NFKB1: variants seen among roughly 807,000 people sequenced by gnomAD.
NFKB1 encodes the protein nuclear factor kappa B subunit 1, also known as nuclear factor NF-kappa-B p105 subunit.
A neutral mutation model predicts 105.1 loss-of-function variants in NFKB1; 9 were observed. The ratio of observed to expected loss-of-function variants is 0.09; its 90% CI spans 0.05 to 0.15. The LOEUF is 0.15. Ranked by LOEUF, NFKB1 falls within the 10% of genes least tolerant of loss-of-function variation. The pLI, the probability that NFKB1 is intolerant of heterozygous loss-of-function variation, is 1.00. For synonymous variants in NFKB1, 440 were observed against 442.2 expected, an observed-to-expected ratio of 1.00 and a Z score of 0.06; for missense variants, 830 against 1,203.7, an observed-to-expected ratio of 0.69 and a Z score of 4.59.
At chr4:102,584,627 C>CAA (rs10711129) in intron 10 of NFKB1, 55 bp from the exon 11 acceptor site, 202 of 1,326,378 alleles carry the variant, frequency 1.5e-4, no homozygotes, top group South Asian at 3.1e-4. Flanking sequence ...AGCATTACTG[C>CAA]AAAAAAAAAA....
intron 5 of NFKB1, among the ~76,000 whole-genome samples, chr4:102,566,400 AGG>A (rs1723872273): frequency 6.6e-6 from 1 of 152,202 alleles, no homozygotes. Flanking sequence ...GAAGTCAGAG[AGG>A]GCTACTGAAG....
At chr4:102,509,348 CT>C (rs1560627731) in intron 1 of NFKB1, among the ~76,000 whole-genome samples, 2 of 152,108 alleles carry the variant, frequency 1.3e-5, no homozygotes, top group African/African-American at 4.8e-5. Context: ...AGTTACAATT[CT>C]TTTTTTGTGA....
intron 1 of NFKB1, among the ~76,000 whole-genome samples, chr4:102,520,794 T>C (rs1243615295): frequency 1.3e-5 from 2 of 152,222 alleles, no homozygotes; most frequent in Non-Finnish European, 2.9e-5. Context: ...TCTATTGTAT[T>C]TCTTATGAAG....
intron 6 of NFKB1, among the ~76,000 whole-genome samples, chr4:102,571,274 A>G (rs1225551328): frequency 6.6e-6 from 1 of 152,244 alleles, no homozygotes; most frequent in African/African-American, 2.4e-5. Flanking sequence ...AAAACTGGCT[A>G]GCCATATGTA....
chr4:102,555,264 C>A (rs1170434446), intron 5 of NFKB1, among the ~76,000 whole-genome samples: 2 of 152,156 alleles, frequency 1.3e-5, no homozygotes, highest in African/African-American at 4.8e-5. Flanking sequence ...CTGGGAACAC[C>A]ACTTTTCTGC....
At chr4:102,558,045 T>A (rs1020771060) in intron 5 of NFKB1, among the ~76,000 whole-genome samples, 1 of 151,984 alleles carries the variant, frequency 6.6e-6, no homozygotes, top group African/African-American at 2.4e-5. Context: ...TTTTTTTTTT[T>A]TTTTACTTTT....
chr4:102,509,320 C>T (rs1298957229), intron 1 of NFKB1, among the ~76,000 whole-genome samples: 2 of 152,200 alleles, frequency 1.3e-5, no homozygotes, highest in Admixed American at 1.3e-4. Context: ...TAAACCATTA[C>T]ATAATCATTT....
intron 11 of NFKB1, among the ~76,000 whole-genome samples, chr4:102,585,442 G>C (rs1280140199): frequency 6.6e-6 from 1 of 152,182 alleles, no homozygotes; most frequent in African/African-American, 2.4e-5. Flanking sequence ...GACTAACTCA[G>C]AGTTCAAGCA....
At chr4:102,571,644 T>G (rs1174635374) in intron 6 of NFKB1, among the ~76,000 whole-genome samples, 2 of 151,730 alleles carry the variant, frequency 1.3e-5, no homozygotes, top group Admixed American at 6.6e-5. Flanking sequence ...CAAGAAAAAA[T>G]CAAACAACCC....
intron 1 of NFKB1, chr4:102,510,878 A>G (rs1417199744): frequency 1.1e-5 from 14 of 1,224,656 alleles, no homozygotes; most frequent in Non-Finnish European, 1.5e-5. Flanking sequence ...GTTCCTTCCT[A>G]GAAGGAACAC....
intron 5 of NFKB1, among the ~76,000 whole-genome samples, chr4:102,545,514 G>A (rs1578745044): frequency 6.6e-6 from 1 of 151,916 alleles, no homozygotes; most frequent in Non-Finnish European, 1.5e-5. Flanking sequence ...GCTTAACTTG[G>A]GTCTCACAGG....
intron 1 of NFKB1, among the ~76,000 whole-genome samples, chr4:102,513,394 T>C (rs188457496): frequency 5.3e-5 from 8 of 152,354 alleles, no homozygotes; most frequent in Middle Eastern, 3.4e-3. Context: ...AAATAAATTT[T>C]ACTTGAGTAT....
At position 102,583,333 on chromosome 4, in the gene NFKB1, T is replaced by C. The variant is rs532076889; in HGVS notation, c.927+376T>C. On this transcript the variant is annotated intron_variant, in intron 10 of 23. Transcript: ENST00000226574. ...TGAAATTTAGTACTTAGCTTCCATC[T>C]ATAAAAAAGAAAAATCATAAATATT... is the stretch of plus-strand genomic sequence containing the variant. 1.6e-4 allele frequency among the ~76,000 whole-genome samples: 24 copies of C among 152,262 alleles called. No homozygotes were observed. The South Asian group carries it at 4.4e-3, about 28-fold the overall frequency.
intron 3 of NFKB1, among the ~76,000 whole-genome samples, chr4:102,530,446 G>A (rs1026375659): frequency 2.6e-5 from 4 of 151,994 alleles, no homozygotes. Context: ...GTGCCGATTG[G>A]CAACTGTTTA....
intron 5 of NFKB1, among the ~76,000 whole-genome samples, chr4:102,550,049 T>C (rs756283275): frequency 1.5e-4 from 23 of 152,138 alleles, no homozygotes; most frequent in Admixed American, 1.3e-4. Context: ...TCCTGGTTTT[T>C]TTAAAAGAGC....
At chr4:102,543,939 T>C (rs866444599) in intron 5 of NFKB1, among the ~76,000 whole-genome samples, 36 of 152,288 alleles carry the variant, frequency 2.4e-4, no homozygotes, top group African/African-American at 8.2e-4. Context: ...ACTGCGCAAG[T>C]ATTTAATTAG....
rs567984220 is a variant in NFKB1 at position 102,513,912 on chromosome 4, G to A, written c.-7-11600G>A. ...CTCTGGGCCGGGCGCGGTGGCTCACGGCTGTAATCCTAGCACTTTGGGAGT... is the reference window on the plus strand; with the variant it reads ...CTCTGGGCCGGGCGCGGTGGCTCACAGCTGTAATCCTAGCACTTTGGGAGT... On this transcript the variant is annotated intron_variant, in intron 1 of 23. Transcript: ENST00000226574. Among the ~76,000 whole-genome samples, 10 of 152,092 alleles carry A rather than the reference G, an allele frequency of 6.6e-5. No individual in the cohort carries two copies. In the East Asian group the frequency reaches 1.2e-3, roughly 18 times the overall value.
chr4:102,603,069 T>C (rs1293062123), intron 16 of NFKB1, among the ~76,000 whole-genome samples: 3 of 152,178 alleles, frequency 2.0e-5, no homozygotes, highest in Non-Finnish European at 4.4e-5. Flanking sequence ...ACAACAGGAT[T>C]AGTAGCTGTG....
rs144731379 is a variant in NFKB1 at position 102,589,360 on chromosome 4, G to C, written c.1067-4065G>C. 6.8e-3 allele frequency among the ~76,000 whole-genome samples: 1,033 copies of C among 152,214 alleles called. 8 individuals are homozygous for C. Among genetic ancestry groups the C allele is most frequent in the African/African-American group, 0.021 (856 of 41,538 alleles). On this transcript the variant is annotated intron_variant, in intron 11 of 23. Transcript: ENST00000226574. ...AAATTAGTTAAGATAGAACCGATGG[G>C]GAAATTATAAATCTGAATCTAAAAC...
Sources: allele counts gnomAD v4.1 joint callset (sites outside exome capture counted in the v4.1 genomes callset), GRCh38; gene constraint gnomAD v4.1.1; transcripts MANE v1.5; gene names NCBI Gene and HGNC (gene_info 2026-07-23, HGNC 2026-07-21).